The following ATP11A variants were observed in gnomAD, a reference collection of about 807,000 sequenced individuals.
ATP11A encodes phospholipid-transporting ATPase IH.
A neutral mutation model predicts 154.4 loss-of-function variants in ATP11A; 81 were observed. That is an observed-to-expected ratio of 0.52 (90% CI 0.44 to 0.63). The LOEUF is 0.63. ATP11A is among the 30% of genes least tolerant of loss of function. The pLI, the probability that ATP11A is intolerant of heterozygous loss-of-function variation, is 0.00. For missense variants in ATP11A, 1,316 were observed against 1,474.3 expected, an observed-to-expected ratio of 0.89 and a Z score of 1.76; for synonymous variants, 623 against 585.9, an observed-to-expected ratio of 1.06 and a Z score of -0.91.
intron 8 of ATP11A, among the ~76,000 whole-genome samples, chr13:112,822,803 T>C (rs936255297): frequency 1.1e-4 from 16 of 150,628 alleles, no homozygotes; most frequent in Non-Finnish European, 1.5e-4. Context: ...TTATTTCACA[T>C]CCACCCCTCT....
At chr13:112,791,062 C>G (rs1291346295) in intron 2 of ATP11A, among the ~76,000 whole-genome samples, 1 of 152,236 alleles carries the variant, frequency 6.6e-6, no homozygotes, top group Non-Finnish European at 1.5e-5. Context: ...AAAGTCGACG[C>G]AGTCTCAGGC....
chr13:112,810,575 T>C (rs748300733), intron 4 of ATP11A, 44 bp from the exon 5 acceptor site: 2 of 1,524,588 alleles, frequency 1.3e-6, no homozygotes, highest in East Asian at 2.2e-5. Flanking sequence ...CCTCCTTCCC[T>C]CTCTCCCTGC....
At position 112,767,937 on chromosome 13, in the gene ATP11A, G is replaced by A. The variant is rs573016819; in HGVS notation, c.40-17198G>A. ...CGCTGCTGGCTGGGGAACCCCCTCC[G>A]GCTCCTCACTTCCCCACCAAGCGCT... On this transcript the variant is annotated intron_variant, in intron 1 of 29. Transcript: ENST00000375645. 8.8e-4 allele frequency among the ~76,000 whole-genome samples: 134 copies of A among 152,170 alleles called. 1 individual carries two copies. Among genetic ancestry groups the A allele is most frequent in the East Asian group, 4.8e-3 (25 of 5,156 alleles).
intron 9 of ATP11A, among the ~76,000 whole-genome samples, chr13:112,824,091 C>T (rs2078869374): frequency 6.6e-6 from 1 of 152,112 alleles, no homozygotes; most frequent in Non-Finnish European, 1.5e-5. Context: ...AACTCGTGGA[C>T]ATGGTGGGCC....
chr13:112,693,789 TA>T (rs543545757), intron 1 of ATP11A, among the ~76,000 whole-genome samples: 1 of 152,038 alleles, frequency 6.6e-6, no homozygotes, highest in East Asian at 1.9e-4. Flanking sequence ...CTGTCTCTAC[TA>T]AAAATACAAA....
At chr13:112,845,888 G>C (rs1277775091) in intron 17 of ATP11A, among the ~76,000 whole-genome samples, 1 of 152,230 alleles carries the variant, frequency 6.6e-6, no homozygotes, top group Non-Finnish European at 1.5e-5. Context: ...CATTTGCCGG[G>C]CACTCGCAGT....
chr13:112,702,157 C>A (rs1021946001), intron 1 of ATP11A, among the ~76,000 whole-genome samples: 1 of 151,744 alleles, frequency 6.6e-6, no homozygotes, highest in Non-Finnish European at 1.5e-5. Flanking sequence ...ATCAGCCTGG[C>A]CAATGTGGAG....
chr13:112,822,290 C>A (rs2078817275), intron 8 of ATP11A, among the ~76,000 whole-genome samples: 1 of 152,322 alleles, frequency 6.6e-6, no homozygotes, highest in Non-Finnish European at 1.5e-5. Context: ...CAGCAGGGAA[C>A]CCTGTTATAT....
intron 1 of ATP11A, among the ~76,000 whole-genome samples, chr13:112,702,583 G>C (rs115612420): frequency 2.0e-5 from 3 of 152,354 alleles, no homozygotes; most frequent in African/African-American, 7.2e-5. Context: ...TGTGTTGTGC[G>C]TGCGTCTCTC....
chr13:112,825,938 C>G (rs1429719381), intron 11 of ATP11A, among the ~76,000 whole-genome samples: 1 of 152,238 alleles, frequency 6.6e-6, no homozygotes, highest in African/African-American at 2.4e-5. Context: ...TGCTCCCAGT[C>G]CAGAGCAGGG....
At chr13:112,766,640 TCCCTCATTGGCTTCTGCCCACCC>T (rs1268420896) in intron 1 of ATP11A, among the ~76,000 whole-genome samples, 1 of 151,682 alleles carries the variant, frequency 6.6e-6, no homozygotes, top group Non-Finnish European at 1.5e-5. Context: ...GGGGAGGGTT[TCCCTCATTGGCTTCTGCCCACCC>T]CCCAGGATGG....
At chr13:112,789,592 G>C (rs903464472) in intron 2 of ATP11A, among the ~76,000 whole-genome samples, 1 of 132,090 alleles carries the variant, frequency 7.6e-6, no homozygotes, top group African/African-American at 3.5e-5. Flanking sequence ...GTGTCCTGAC[G>C]CGTAGACCCC....
chr13:112,802,276 G>A (rs991328014), intron 2 of ATP11A, among the ~76,000 whole-genome samples: 3 of 152,224 alleles, frequency 2.0e-5, no homozygotes, highest in East Asian at 3.9e-4. Flanking sequence ...AACCCAGGAG[G>A]CAGAGCTTGC....
intron 8 of ATP11A, among the ~76,000 whole-genome samples, chr13:112,820,190 G>A (rs546241103): frequency 3.9e-5 from 6 of 152,336 alleles, no homozygotes; most frequent in South Asian, 2.1e-4. Flanking sequence ...CTGCCGAGAG[G>A]GTCGTCTCAC....
chr13:112,881,250 G>T (rs1346285096), intron 29 of ATP11A: 8 of 992,420 alleles, frequency 8.1e-6, no homozygotes, highest in Non-Finnish European at 9.6e-6. Context: ...GACCCACAGG[G>T]CCCGTGCACA....
chr13:112,729,828 G>A (rs531626658), intron 1 of ATP11A, among the ~76,000 whole-genome samples: 10 of 152,358 alleles, frequency 6.6e-5, no homozygotes, highest in East Asian at 3.9e-4. Context: ...AAAAAAACGC[G>A]CAAACTGTTA....
intron 1 of ATP11A, among the ~76,000 whole-genome samples, chr13:112,752,325 T>C (rs2076712453): frequency 6.6e-6 from 1 of 152,108 alleles, no homozygotes; most frequent in South Asian, 2.1e-4. Flanking sequence ...TGTGCTGCAG[T>C]CAGGAAGGCC....
intron 2 of ATP11A, among the ~76,000 whole-genome samples, chr13:112,796,478 G>A (rs771496530): frequency 6.6e-6 from 1 of 152,234 alleles, no homozygotes; most frequent in Admixed American, 6.5e-5. Context: ...ACTGGCTTCA[G>A]AGGTTGAAGG....
intron 1 of ATP11A, among the ~76,000 whole-genome samples, chr13:112,723,551 C>T (rs892746654): frequency 1.3e-5 from 2 of 150,816 alleles, no homozygotes; most frequent in South Asian, 2.1e-4. Context: ...GGATTACAGG[C>T]GTGAGCCACC....
Sources: gnomAD v4.1 joint callset for allele counts (sites outside exome capture counted in the v4.1 genomes callset) on GRCh38, gnomAD v4.1.1 for gene constraint, MANE v1.5 for transcripts, NCBI Gene and HGNC (gene_info 2026-07-23, HGNC 2026-07-21) for gene names.